OXR1: variants seen among roughly 807,000 people sequenced by gnomAD.
The protein encoded by OXR1 is oxidation resistance protein 1.
A neutral mutation model predicts 104.6 loss-of-function variants in OXR1; 41 were observed. The ratio of observed to expected loss-of-function variants is 0.39; its 90% CI spans 0.31 to 0.51. The LOEUF is 0.51. Among genes scored for constraint, OXR1 ranks in the 20% least tolerant of loss-of-function variants. OXR1 has a pLI of 0.77. For missense variants in OXR1, 955 were observed against 1,031.9 expected, an observed-to-expected ratio of 0.93 and a Z score of 1.02; for synonymous variants, 348 against 348.4, an observed-to-expected ratio of 1.00 and a Z score of 0.01.
chr8:106,482,832 C>T (rs917134564), intron 2 of OXR1, among the ~76,000 whole-genome samples: 1 of 150,526 alleles, frequency 6.6e-6, no homozygotes, highest in Non-Finnish European at 1.5e-5. Context: ...TGGTTTTACA[C>T]ATGTCATGAT....
At chr8:106,576,991 A>G (rs1376558310) in intron 3 of OXR1, among the ~76,000 whole-genome samples, 1 of 152,136 alleles carries the variant, frequency 6.6e-6, no homozygotes, top group Non-Finnish European at 1.5e-5. Context: ...TGTAGGAGTA[A>G]CTTTCAACTA....
At chr8:106,604,946 A>C (rs143265637) in intron 3 of OXR1, 165 of 152,322 alleles carry the variant, frequency 1.1e-3, no homozygotes, top group African/African-American at 3.7e-3. Context: ...TTTTCACAAA[A>C]GATTTGAGGT....
intron 2 of OXR1, among the ~76,000 whole-genome samples, chr8:106,361,336 T>C (rs1586566130): frequency 2.6e-5 from 4 of 152,228 alleles, no homozygotes; most frequent in Admixed American, 1.3e-4. Context: ...TCAGATTTTA[T>C]AGAAATGATT....
intron 3 of OXR1, among the ~76,000 whole-genome samples, chr8:106,639,084 G>A (rs918187016): frequency 2.0e-5 from 3 of 152,198 alleles, no homozygotes; most frequent in Non-Finnish European, 4.4e-5. Context: ...AAAAAGTAGA[G>A]TGGTCATTTT....
chr8:106,399,086 G>A (rs1196905243), intron 2 of OXR1, among the ~76,000 whole-genome samples: 1 of 152,032 alleles, frequency 6.6e-6, no homozygotes, highest in Admixed American at 6.6e-5. Flanking sequence ...AAGGCCACTT[G>A]AAAATACTGA....
At chr8:106,527,602 T>C (rs1174791141) in intron 3 of OXR1, among the ~76,000 whole-genome samples, 1 of 152,242 alleles carries the variant, frequency 6.6e-6, no homozygotes, top group East Asian at 1.9e-4. Flanking sequence ...TGATTAACTA[T>C]TCATTTGCCA....
chr8:106,510,489 G>A (rs187435953), intron 2 of OXR1, among the ~76,000 whole-genome samples: 148 of 152,262 alleles, frequency 9.7e-4, no homozygotes, highest in African/African-American at 3.3e-3. Context: ...TTCATTAAAG[G>A]TCAGTAAGAA....
intron 1 of OXR1, among the ~76,000 whole-genome samples, chr8:106,277,186 A>T (rs982563386): frequency 6.6e-6 from 1 of 152,224 alleles, no homozygotes; most frequent in Admixed American, 6.5e-5. Flanking sequence ...AAAGAGTTAA[A>T]ATTGGAAACC....
chr8:106,534,846 TA>T (rs1348299005), intron 3 of OXR1, among the ~76,000 whole-genome samples: 2 of 152,368 alleles, frequency 1.3e-5, no homozygotes, highest in Non-Finnish European at 2.9e-5. Context: ...AAGAGGTTAA[TA>T]GGGGGAAGTA....
intron 1 of OXR1, among the ~76,000 whole-genome samples, chr8:106,329,937 C>T (rs1814641915): frequency 6.6e-6 from 1 of 151,852 alleles, no homozygotes; most frequent in Admixed American, 6.6e-5. Flanking sequence ...GTGACATATT[C>T]ACCACAGCAT....
chr8:106,555,890 G>A (rs1816228017), intron 3 of OXR1, among the ~76,000 whole-genome samples: 1 of 148,184 alleles, frequency 6.7e-6, no homozygotes, highest in Non-Finnish European at 1.5e-5. Context: ...ATATATGTGT[G>A]TGTCTGTGTA....
At chr8:106,335,025 G>GACAT (rs2130241401) in intron 1 of OXR1, among the ~76,000 whole-genome samples, 1 of 150,882 alleles carries the variant, frequency 6.6e-6, no homozygotes, top group Admixed American at 6.6e-5. Flanking sequence ...CACATACATT[G>GACAT]ACACACACAC....
chr8:106,541,828 A>G (rs956585434), intron 3 of OXR1, among the ~76,000 whole-genome samples: 7 of 152,218 alleles, frequency 4.6e-5, no homozygotes, highest in African/African-American at 1.4e-4. Flanking sequence ...CAAAAGTGCT[A>G]GAGAAGAAAC....
At chr8:106,743,156 G>T (rs959919738) in intron 15 of OXR1, among the ~76,000 whole-genome samples, 1 of 152,126 alleles carries the variant, frequency 6.6e-6, no homozygotes, top group African/African-American at 2.4e-5. Flanking sequence ...CATACATGTG[G>T]CCAAAAAAAC....
chr8:106,641,077 T>C (rs1823586195), intron 3 of OXR1, among the ~76,000 whole-genome samples: 1 of 152,252 alleles, frequency 6.6e-6, no homozygotes, highest in Non-Finnish European at 1.5e-5. Context: ...ATCATGCTAA[T>C]GACATTTACA....
At chr8:106,348,308 C>CA (rs1277612460) in intron 1 of OXR1, among the ~76,000 whole-genome samples, 3 of 152,134 alleles carry the variant, frequency 2.0e-5, no homozygotes, top group Admixed American at 6.5e-5. Context: ...CACAAACACA[C>CA]ACGCACACAC....
intron 11 of OXR1, among the ~76,000 whole-genome samples, chr8:106,716,717 G>C (rs912789552): frequency 1.4e-5 from 2 of 147,562 alleles, no homozygotes; most frequent in African/African-American, 4.9e-5. Context: ...TAAACATCTT[G>C]TTTGTTTATA....
chr8:106,563,232 G>A (rs139270002), intron 3 of OXR1, among the ~76,000 whole-genome samples: 3,806 of 150,046 alleles, frequency 0.025, 164 homozygotes, highest in African/African-American at 0.087. Context: ...CCCATCTCAC[G>A]TGCAAAGGCA....
chr8:106,504,616 A>G (rs1378916014), intron 2 of OXR1, among the ~76,000 whole-genome samples: 2 of 152,230 alleles, frequency 1.3e-5, no homozygotes, highest in African/African-American at 4.8e-5. Flanking sequence ...CTGTCACTAT[A>G]ACATTAATAG....
Sources: gnomAD v4.1 joint callset for allele counts (sites outside exome capture counted in the v4.1 genomes callset) on GRCh38, gnomAD v4.1.1 for gene constraint, MANE v1.5 for transcripts, NCBI Gene and HGNC (gene_info 2026-07-23, HGNC 2026-07-21) for gene names.